Variants in TLK1 observed in about 807,000 individuals in gnomAD.
TLK1 encodes the protein serine/threonine-protein kinase tousled-like 1.
A neutral mutation model predicts 105.3 loss-of-function variants in TLK1; 24 were observed. The observed-to-expected ratio is 0.23, with a 90% CI of 0.17 to 0.32. The LOEUF (loss-of-function observed/expected upper bound fraction) is 0.32. Ranked by LOEUF, TLK1 falls within the 10% of genes least tolerant of loss-of-function variation. The probability of loss-of-function intolerance (pLI) is 1.00; values close to 1 mark genes in which losing one functional copy is unlikely to be tolerated. For missense variants in TLK1, 558 were observed against 910.5 expected, an observed-to-expected ratio of 0.61 and a Z score of 4.98; for synonymous variants, 321 against 310.4, an observed-to-expected ratio of 1.03 and a Z score of -0.36.
Position 171,006,645 on chromosome 2 carries a change from T to C in TLK1, c.1599-2A>G. 1 of 1,611,926 alleles carries C rather than the reference T, an allele frequency of 6.2e-7. No homozygotes were observed. Among genetic ancestry groups the C allele is most frequent in the Non-Finnish European group, 8.5e-7 (1 of 1,179,614 alleles). ...CAGTATTCTAACACTGTACAAAACCTACAACAGAGAAGAGAAAAAAATTAG... is the reference window on the plus strand; with the variant it reads ...CAGTATTCTAACACTGTACAAAACCCACAACAGAGAAGAGAAAAAAATTAG... On this transcript the variant is annotated splice_acceptor_variant, in intron 16 of 20. Coordinates refer to ENST00000431350, the MANE Select transcript of TLK1 (RefSeq NM_012290.5). LOFTEE classifies it high-confidence loss of function.
intron 4 of TLK1, chr2:171,059,932 G>A (rs1323568395): frequency 2.0e-6 from 3 of 1,515,650 alleles, no homozygotes; most frequent in African/African-American, 1.4e-5. Flanking sequence ...ACCTCCTGCT[G>A]TACGACCCAT....
At chr2:171,023,728 T>C (rs569358011) in intron 12 of TLK1, among the ~76,000 whole-genome samples, 19 of 152,320 alleles carry the variant, frequency 1.2e-4, no homozygotes, top group African/African-American at 3.8e-4. Context: ...TTTAAAAATA[T>C]AGACATTTCA....
At chr2:171,053,914 AACTAGATTTT>A in intron 7 of TLK1, 61 bp from the exon 8 acceptor site, 1 of 1,247,154 alleles carries the variant, frequency 8.0e-7, no homozygotes, top group South Asian at 1.5e-5. Flanking sequence ...GCAAACATAA[AACTAGATTTT>A]ACTCCAAATT....
At chr2:171,108,208 C>T (rs980731273) in intron 2 of TLK1, among the ~76,000 whole-genome samples, 2 of 152,034 alleles carry the variant, frequency 1.3e-5, no homozygotes, top group Non-Finnish European at 2.9e-5. Context: ...TGATGGCATT[C>T]TTTATACTAC....
chr2:171,059,953 G>T, intron 4 of TLK1: 1 of 1,594,752 alleles, frequency 6.3e-7, no homozygotes, highest in Non-Finnish European at 8.6e-7. Flanking sequence ...TTCCCAATAG[G>T]CCAAGGACTG....
chr2:171,126,747 C>T (rs767807191), intron 1 of TLK1, among the ~76,000 whole-genome samples: 4 of 151,740 alleles, frequency 2.6e-5, no homozygotes, highest in South Asian at 2.1e-4. Context: ...TTAATTCACT[C>T]GAGATTTTAA....
In TLK1 at chr2:171,160,505, T is replaced by C. The variant is rs1349634335; in HGVS notation, c.-77A>G. 2 of 1,539,374 alleles carry C rather than the reference T, an allele frequency of 1.3e-6. No homozygotes were observed. The highest frequency in any genetic ancestry group is 8.7e-7 in the Non-Finnish European group (1 of 1,148,360). Reference sequence around the variant, plus strand: ...ACGGCACCGGCACCCGCCTCCGTCATGGCGGGGGCCGCGCTGAGGGCGAGC... The same window carrying C: ...ACGGCACCGGCACCCGCCTCCGTCACGGCGGGGGCCGCGCTGAGGGCGAGC... On this transcript the variant is annotated 5_prime_UTR_variant, in exon 1 of 21. It removes an upstream start codon present in the reference 5' UTR. Transcript: ENST00000431350. The surrounding 1 kb of genome is among the most constrained non-coding windows in gnomAD (Gnocchi z 4.4).
At chr2:171,037,612 G>GT (rs1558898037) in intron 11 of TLK1, among the ~76,000 whole-genome samples, 1 of 151,824 alleles carries the variant, frequency 6.6e-6, no homozygotes, top group Admixed American at 6.6e-5. Context: ...AAAATTTTTC[G>GT]TATCTATTAA....
chr2:171,154,545 C>T (rs1322798818), intron 1 of TLK1: 1 of 152,096 alleles, frequency 6.6e-6, no homozygotes, highest in Non-Finnish European at 1.5e-5. Context: ...TTCCAAGATC[C>T]GGTTCAGCTC....
At chr2:171,173,451 C>T (rs767830290) in intron 1 of TLK1, among the ~76,000 whole-genome samples, 2 of 152,168 alleles carry the variant, frequency 1.3e-5, no homozygotes, top group African/African-American at 2.4e-5. Context: ...GCACTGGTTT[C>T]ATCACATCTG....
At chr2:171,195,236 G>GCT (rs1693245013) in intron 1 of TLK1, among the ~76,000 whole-genome samples, 1 of 152,132 alleles carries the variant, frequency 6.6e-6, no homozygotes, top group Admixed American at 6.5e-5. Context: ...GGGCGCGGTG[G>GCT]CTCACGCCTG....
intron 2 of TLK1, among the ~76,000 whole-genome samples, chr2:171,104,109 C>T (rs1017682121): frequency 9.9e-5 from 15 of 151,862 alleles, no homozygotes; most frequent in Non-Finnish European, 5.9e-5. Context: ...AATGCCGTCT[C>T]TACTAAAAAT....
intron 3 of TLK1, among the ~76,000 whole-genome samples, chr2:171,073,444 T>C (rs1575575143): frequency 6.6e-6 from 1 of 152,160 alleles, no homozygotes; most frequent in South Asian, 2.1e-4. Flanking sequence ...AGACAGAATA[T>C]ATCAGAATTT....
chr2:171,088,817 T>C (rs1412774228), intron 2 of TLK1, among the ~76,000 whole-genome samples: 2 of 152,158 alleles, frequency 1.3e-5, no homozygotes, highest in Non-Finnish European at 2.9e-5. Context: ...TACCCATATA[T>C]CTTTCCTCAA....
At chr2:171,117,878 A>C in intron 1 of TLK1, 21 bp from the exon 2 acceptor site, 1 of 1,487,648 alleles carries the variant, frequency 6.7e-7, no homozygotes, top group South Asian at 1.2e-5. Flanking sequence ...AAAAAAATAT[A>C]TATGTACACA....
chr2:171,019,796 A>G (rs553775053), intron 12 of TLK1, among the ~76,000 whole-genome samples: 5 of 152,224 alleles, frequency 3.3e-5, no homozygotes, highest in African/African-American at 1.2e-4. Context: ...GGTGGCTCAC[A>G]CTTATAATCC....
intron 2 of TLK1, among the ~76,000 whole-genome samples, chr2:171,102,714 A>T (rs920320420): frequency 6.6e-6 from 1 of 152,190 alleles, no homozygotes; most frequent in Non-Finnish European, 1.5e-5. Context: ...AACGTCTATC[A>T]TTATACCATT....
chr2:171,112,671 TA>T lies in TLK1; in HGVS notation c.258+5067del, dbSNP rs534447858. On this transcript the variant is annotated intron_variant, in intron 2 of 20. Transcript: ENST00000431350. ...TTGGAAGATAATTATTTCCCTTAAA[TA>T]AATCTACAGAACCAACAAACCATTA... Among the ~76,000 whole-genome samples, 110 of 152,158 alleles carry T rather than the reference TA, an allele frequency of 7.2e-4. 1 individual carries two copies. The highest frequency in any genetic ancestry group is 8.1e-4 in the Non-Finnish European group (55 of 68,028).
intron 3 of TLK1, among the ~76,000 whole-genome samples, chr2:171,074,729 GA>G (rs1204419144): frequency 6.6e-6 from 1 of 151,446 alleles, no homozygotes; most frequent in Non-Finnish European, 1.5e-5. Flanking sequence ...CTAGCAGGAA[GA>G]TAAATAAAAG....
Sources: gnomAD v4.1 joint callset for allele counts (sites outside exome capture counted in the v4.1 genomes callset) on GRCh38, gnomAD v4.1.1 for gene constraint, Gnocchi (gnomAD v3.1) non-coding constraint, MANE v1.5 for transcripts, NCBI Gene and HGNC (gene_info 2026-07-23, HGNC 2026-07-21) for gene names.